Variants in ZBTB20 observed in about 807,000 individuals in gnomAD.
The protein encoded by ZBTB20 is zinc finger and BTB domain-containing protein 20.
In ZBTB20, 9 loss-of-function variants were observed where a neutral mutation model predicts 56.9. That is an observed-to-expected ratio of 0.16 (90% CI 0.10 to 0.28). ZBTB20 has a LOEUF of 0.28. Ranked by LOEUF, ZBTB20 falls within the 10% of genes least tolerant of loss-of-function variation. ZBTB20 has a pLI of 1.00. For missense variants in ZBTB20, 655 were observed against 1,003.0 expected (o/e 0.65, Z 4.69); for synonymous variants, 417 against 420.7 (o/e 0.99, Z 0.11).
At chr3:115,061,368 A>G (rs554624878) in intron 2 of ZBTB20, among the ~76,000 whole-genome samples, 158 of 152,328 alleles carry the variant, frequency 1.0e-3, no homozygotes, top group Non-Finnish European at 1.9e-3. Context: ...TGATACTTTG[A>G]AAAACACACA....
chr3:114,742,253 A>G (rs1284963999), intron 5 of ZBTB20, among the ~76,000 whole-genome samples: 1 of 152,174 alleles, frequency 6.6e-6, no homozygotes, highest in African/African-American at 2.4e-5. Flanking sequence ...ATATCATAAT[A>G]AAGGTTGAGC....
At chr3:114,700,253 T>C (rs1217731128) in intron 5 of ZBTB20, among the ~76,000 whole-genome samples, 3 of 152,154 alleles carry the variant, frequency 2.0e-5, no homozygotes, top group Non-Finnish European at 4.4e-5. Flanking sequence ...CTTTTATTTA[T>C]TCTTGTTCCT....
chr3:114,384,100 T>TTCTCTCTCTCTCTCTC (rs57746371), intron 8 of ZBTB20, among the ~76,000 whole-genome samples: 17 of 139,244 alleles, frequency 1.2e-4, no homozygotes, highest in African/African-American at 3.3e-4. Flanking sequence ...TCAGTTCTCA[T>TTCTCTCTCTCTCTCTC]TCTCTCTCTC....
chr3:114,404,817 G>A (rs1423198273), intron 7 of ZBTB20, among the ~76,000 whole-genome samples: 1 of 152,096 alleles, frequency 6.6e-6, no homozygotes, highest in African/African-American at 2.4e-5. Context: ...CTGATTCTCT[G>A]CTGGTTTAAT....
intron 5 of ZBTB20, among the ~76,000 whole-genome samples, chr3:114,787,081 C>A (rs1266091767): frequency 6.6e-6 from 1 of 151,818 alleles, no homozygotes; most frequent in African/African-American, 2.4e-5. Context: ...CTGAAGTGAT[C>A]CTCCTGCCTC....
At chr3:115,063,799 T>G (rs1054492027) in intron 2 of ZBTB20, among the ~76,000 whole-genome samples, 25 of 152,272 alleles carry the variant, frequency 1.6e-4, no homozygotes, top group African/African-American at 5.5e-4. Context: ...TTGCCTGATT[T>G]CTAAATAATA....
chr3:114,933,690 A>G (rs1236969908), intron 3 of ZBTB20, among the ~76,000 whole-genome samples: 1 of 152,174 alleles, frequency 6.6e-6, no homozygotes, highest in Non-Finnish European at 1.5e-5. Flanking sequence ...GCAACAGCTA[A>G]AGTGGGTCAC....
chr3:114,480,591 G>A (rs1050470361), intron 7 of ZBTB20, among the ~76,000 whole-genome samples: 1 of 152,138 alleles, frequency 6.6e-6, no homozygotes, highest in Non-Finnish European at 1.5e-5. Flanking sequence ...GAGAGCAAAG[G>A]GTGGTCAGGT....
At chr3:114,802,377 G>A (rs1356991046) in intron 4 of ZBTB20, among the ~76,000 whole-genome samples, 3 of 151,840 alleles carry the variant, frequency 2.0e-5, no homozygotes, top group African/African-American at 7.3e-5. Context: ...CTCTTGAAAT[G>A]TATAGAGGAA....
intron 6 of ZBTB20, among the ~76,000 whole-genome samples, chr3:114,692,089 C>T (rs1157750350): frequency 6.6e-6 from 1 of 152,088 alleles, no homozygotes; most frequent in Admixed American, 6.6e-5. Context: ...CTGTGTTGGA[C>T]AGCAATAGGG....
chr3:114,844,520 C>CAAAAA (rs71146342), intron 4 of ZBTB20, among the ~76,000 whole-genome samples: 682 of 22,806 alleles, frequency 0.03, 276 homozygotes, highest in African/African-American at 0.073. Context: ...GTCCCTGTCT[C>CAAAAA]AAAAAAAAAA....
intron 5 of ZBTB20, among the ~76,000 whole-genome samples, chr3:114,752,403 A>G (rs887931734): frequency 5.3e-5 from 8 of 152,182 alleles, no homozygotes; most frequent in Admixed American, 1.3e-4. Context: ...TTAAGGTTTG[A>G]ATTAGTGCTA....
At chr3:114,682,581 C>G (rs6438215) in intron 6 of ZBTB20, among the ~76,000 whole-genome samples, 146,595 of 152,210 alleles carry the variant, frequency 0.96, 70,851 homozygotes, top group East Asian at 1. Context: ...GAATTCAAAA[C>G]TAATCTATGA....
chr3:114,526,558 C>T (rs1033476070), intron 6 of ZBTB20, among the ~76,000 whole-genome samples: 5 of 152,012 alleles, frequency 3.3e-5, no homozygotes, highest in African/African-American at 4.8e-5. Context: ...TTTTTACATT[C>T]CACTCATAAA....
rs559857667 is a variant in ZBTB20, at chr3:114,647,342, T to A, written c.-295+46186A>T. Among the ~76,000 whole-genome samples the A allele has an allele frequency of 4.6e-5, 7 of 152,330 alleles. No individual in the cohort carries two copies. The South Asian group carries it at 1.4e-3, about 32-fold the overall frequency. On this transcript the variant is annotated intron_variant, in intron 6 of 11. Transcript: ENST00000675478. ...AGGTAAAATTATCATAGAGAGGAAA[T>A]TAGAGAGAAATGTTCACCATTTCCT...
At chr3:114,900,825 G>C (rs2075089663) in intron 3 of ZBTB20, among the ~76,000 whole-genome samples, 1 of 152,100 alleles carries the variant, frequency 6.6e-6, no homozygotes, top group Non-Finnish European at 1.5e-5. Context: ...ATGAATAAAT[G>C]AAAGTAAACT....
chr3:115,057,702 C>T (rs1025624409), intron 2 of ZBTB20, among the ~76,000 whole-genome samples: 2 of 152,164 alleles, frequency 1.3e-5, no homozygotes, highest in African/African-American at 2.4e-5. Flanking sequence ...TCCTGAAGAA[C>T]CTCCATTAAC....
Position 114,321,279 on chromosome 3 carries a change from A to G in ZBTB20, c.*17726T>C, listed in dbSNP as rs1195040557. 1 of 152,266 alleles carries G rather than the reference A, an allele frequency of 6.6e-6. No homozygotes were observed. The highest frequency in any genetic ancestry group is 1.5e-5 in the Non-Finnish European group (1 of 68,062). 9.4% of individuals were successfully genotyped at this position (152,266 alleles called of 1,614,324 possible). ...AAGAAAAGAGAAGAGAAACAGGCAG[A>G]CTTCGGGCACCATCTCCCTTTGTTT... On this transcript the variant is annotated 3_prime_UTR_variant, in exon 12 of 12. Coordinates refer to ENST00000675478, the MANE Select transcript of ZBTB20 (RefSeq NM_001348800.3).
chr3:114,580,217 T>C (rs544712616), intron 6 of ZBTB20, among the ~76,000 whole-genome samples: 72 of 151,818 alleles, frequency 4.7e-4, no homozygotes, highest in Middle Eastern at 3.4e-3. Flanking sequence ...GGAAATGTAT[T>C]AATATCTTAT....
Sources: allele counts gnomAD v4.1 joint callset (sites outside exome capture counted in the v4.1 genomes callset), GRCh38; gene constraint gnomAD v4.1.1; transcripts MANE v1.5; gene names NCBI Gene and HGNC (gene_info 2026-07-23, HGNC 2026-07-21).